Variants in AGPS observed in about 807,000 individuals in gnomAD.
The protein encoded by AGPS is alkylglycerone phosphate synthase.
Under a neutral mutation model 90.7 loss-of-function variants are expected in AGPS, and 26 were observed. The ratio of observed to expected loss-of-function variants is 0.29; its 90% CI spans 0.21 to 0.40. The LOEUF (loss-of-function observed/expected upper bound fraction) is 0.40. Among genes scored for constraint, AGPS ranks in the 10% least tolerant of loss-of-function variants. AGPS has a pLI of 1.00. For missense variants in AGPS, 540 were observed against 816.1 expected (o/e 0.66, Z 4.12); for synonymous variants, 294 against 285.3 (o/e 1.03, Z -0.31).
chr2:177,516,736 ATGTT>A (rs1056500508), intron 17 of AGPS, among the ~76,000 whole-genome samples: 10 of 152,276 alleles, frequency 6.6e-5, no homozygotes, highest in African/African-American at 2.4e-4. Flanking sequence ...CTATTTATGA[ATGTT>A]AGTGATTCTC....
intron 12 of AGPS, among the ~76,000 whole-genome samples, chr2:177,496,807 T>G (rs903194763): frequency 6.6e-6 from 1 of 152,036 alleles, no homozygotes; most frequent in Non-Finnish European, 1.5e-5. Context: ...TGCACCTATT[T>G]TAAAAGAAGG....
intron 10 of AGPS, among the ~76,000 whole-genome samples, chr2:177,474,548 C>T (rs1026509957): frequency 1.3e-5 from 2 of 152,172 alleles, no homozygotes; most frequent in African/African-American, 4.8e-5. Flanking sequence ...TGTGGGCATG[C>T]CCAGACAAGG....
chr2:177,518,082 G>T (rs757023550), intron 17 of AGPS, among the ~76,000 whole-genome samples: 1 of 152,116 alleles, frequency 6.6e-6, no homozygotes, highest in South Asian at 2.1e-4. Flanking sequence ...CTTGGTTAGG[G>T]TGGTACCTGC....
At chr2:177,442,585 G>A (rs568833636) in intron 7 of AGPS, 99 bp downstream of exon 7, 39 of 994,388 alleles carry the variant, frequency 3.9e-5, no homozygotes, top group Non-Finnish European at 5.5e-5. Flanking sequence ...TGTGGCTCAC[G>A]CTTGTAATCC....
chr2:177,536,494 A>G (rs2079185294), intron 19 of AGPS, among the ~76,000 whole-genome samples: 1 of 152,100 alleles, frequency 6.6e-6, no homozygotes, highest in Admixed American at 6.6e-5. Flanking sequence ...ATAGAATATT[A>G]GAGTTGAAGA....
At chr2:177,433,987 G>T (rs916989901) in intron 2 of AGPS, among the ~76,000 whole-genome samples, 13 of 152,110 alleles carry the variant, frequency 8.5e-5, no homozygotes, top group Non-Finnish European at 1.6e-4. Flanking sequence ...TAAATTTTCA[G>T]CATTTTTATT....
chr2:177,419,621 A>G (rs1370473034), intron 1 of AGPS, among the ~76,000 whole-genome samples: 2 of 151,952 alleles, frequency 1.3e-5, no homozygotes, highest in Non-Finnish European at 3.0e-5. Flanking sequence ...AATTAAAAAT[A>G]GCATGTTATG....
At chr2:177,459,064 A>AT (rs1687206912) in intron 8 of AGPS, among the ~76,000 whole-genome samples, 1 of 152,194 alleles carries the variant, frequency 6.6e-6, no homozygotes, top group Non-Finnish European at 1.5e-5. Flanking sequence ...GATACAAGCC[A>AT]TGGGGGAAAG....
rs542703945 is a variant in AGPS at position 177,395,196 on chromosome 2, C to T, written c.260+2147C>T. ...CACTCTTAGAACCAAGTAAGGAGGG[C>T]AGGTTTTCCTTATGGTTAGATTTAA... On this transcript the variant is annotated intron_variant, in intron 1 of 19. Coordinates refer to ENST00000264167, the MANE Select transcript of AGPS (RefSeq NM_003659.4). Among the ~76,000 whole-genome samples the T allele has an allele frequency of 2.6e-5, 4 of 152,262 alleles. No homozygotes were observed. In the South Asian group the frequency reaches 8.3e-4, roughly 32 times the overall value.
chr2:177,441,841 T>C (rs901776080), intron 6 of AGPS, among the ~76,000 whole-genome samples: 1 of 152,248 alleles, frequency 6.6e-6, no homozygotes, highest in African/African-American at 2.4e-5. Context: ...TAAATACTTC[T>C]ATGTATTATT....
At chr2:177,420,431 G>A in intron 2 of AGPS, 73 bp downstream of exon 2, 1 of 1,098,966 alleles carries the variant, frequency 9.1e-7, no homozygotes, top group South Asian at 1.2e-5. Flanking sequence ...AAACACACAT[G>A]AAAATATAAT....
At position 177,467,550 on chromosome 2, in the gene AGPS, A is replaced by T. The variant is rs557035878; in HGVS notation, c.997-866A>T. Among the ~76,000 whole-genome samples the T allele has an allele frequency of 2.0e-5, 3 of 152,254 alleles. No homozygotes were observed. In the East Asian group the frequency reaches 5.8e-4, roughly 29 times the overall value. On this transcript the variant is annotated intron_variant, in intron 9 of 19. Coordinates refer to ENST00000264167, the MANE Select transcript of AGPS (RefSeq NM_003659.4). Reference sequence around the variant, plus strand: ...AAATTTTGTACCAATTGACATTCTCACTAACACCATGAGAATCTTTGTAAT... The same window carrying T: ...AAATTTTGTACCAATTGACATTCTCTCTAACACCATGAGAATCTTTGTAAT...
Position 177,540,305 on chromosome 2 carries a change from T to A in AGPS, c.*2110T>A, listed in dbSNP as rs2079223228. 1 of 151,946 alleles carries A rather than the reference T, an allele frequency of 6.6e-6. No individual in the cohort carries two copies. The highest frequency in any genetic ancestry group is 1.5e-5 in the Non-Finnish European group (1 of 67,950). The allele number at this position is 151,946 out of a possible 1,614,324, so 9.4% of individuals were successfully genotyped here. ...ACCTTATGGAAATTCATGATTTATG[T>A]CTTTGTTTTTCTTTTTCCAAGTATA... On this transcript the variant is annotated 3_prime_UTR_variant, in exon 20 of 20. Coordinates refer to ENST00000264167, the MANE Select transcript of AGPS (RefSeq NM_003659.4).
At chr2:177,405,618 A>G (rs1471580567) in intron 1 of AGPS, among the ~76,000 whole-genome samples, 2 of 151,032 alleles carry the variant, frequency 1.3e-5, no homozygotes, top group Non-Finnish European at 2.9e-5. Context: ...CAATTCTGGT[A>G]CCTGGTAGAT....
At chr2:177,521,019 A>G (rs1689169498) in intron 17 of AGPS, among the ~76,000 whole-genome samples, 1 of 152,218 alleles carries the variant, frequency 6.6e-6, no homozygotes, top group African/African-American at 2.4e-5. Flanking sequence ...ATATGTACCT[A>G]TAATATTGAC....
At chr2:177,456,238 T>C (rs1270301048) in intron 8 of AGPS, among the ~76,000 whole-genome samples, 2 of 152,224 alleles carry the variant, frequency 1.3e-5, no homozygotes, top group Non-Finnish European at 2.9e-5. Context: ...TCTGTGGACC[T>C]TTCTTCAGCA....
At chr2:177,420,859 G>A (rs1378005880) in intron 2 of AGPS, among the ~76,000 whole-genome samples, 1 of 151,814 alleles carries the variant, frequency 6.6e-6, no homozygotes, top group Non-Finnish European at 1.5e-5. Flanking sequence ...TTAGGTCTGT[G>A]TGAATATAAA....
chr2:177,500,677 A>G (rs1449679070), intron 14 of AGPS, among the ~76,000 whole-genome samples: 2 of 152,052 alleles, frequency 1.3e-5, no homozygotes, highest in Non-Finnish European at 2.9e-5. Flanking sequence ...TTTCTTTTGC[A>G]CTATTTTTAA....
intron 11 of AGPS, among the ~76,000 whole-genome samples, chr2:177,492,562 A>G (rs1307881320): frequency 6.6e-6 from 1 of 152,230 alleles, no homozygotes; most frequent in East Asian, 1.9e-4. Context: ...TACATTTAAT[A>G]AGACTACAAA....
Sources: gnomAD v4.1 joint callset for allele counts (sites outside exome capture counted in the v4.1 genomes callset) on GRCh38, gnomAD v4.1.1 for gene constraint, MANE v1.5 for transcripts, NCBI Gene and HGNC (gene_info 2026-07-23, HGNC 2026-07-21) for gene names.